DLG2: variants seen among roughly 807,000 people sequenced by gnomAD.
The protein encoded by DLG2 is disks large homolog 2.
DLG2 carries 45 observed loss-of-function variants against 132.5 expected under a neutral mutation model. The ratio of observed to expected loss-of-function variants is 0.34; its 90% CI spans 0.27 to 0.44. DLG2 has a LOEUF of 0.44. Ranked by LOEUF, DLG2 falls within the 20% of genes least tolerant of loss-of-function variation. DLG2 has a pLI of 1.00. For synonymous variants in DLG2, 424 were observed against 419.6 expected (o/e 1.01, Z -0.13); for missense variants, 1,045 against 1,196.9 (o/e 0.87, Z 1.87).
At chr11:84,637,908 T>C (rs2099643546) in intron 6 of DLG2, among the ~76,000 whole-genome samples, 1 of 152,242 alleles carries the variant, frequency 6.6e-6, no homozygotes. Flanking sequence ...TTAAAAAAAG[T>C]TAAACATTTA....
chr11:85,499,639 C>T lies in DLG2; in HGVS notation c.40+99018G>A, dbSNP rs188674617. 9.2e-5 allele frequency among the ~76,000 whole-genome samples: 14 copies of T among 151,726 alleles called. No homozygotes were observed. In the East Asian group the frequency reaches 2.7e-3, roughly 29 times the overall value. On this transcript the variant is annotated intron_variant, in intron 3 of 27. Coordinates refer to ENST00000376104, the MANE Select transcript of DLG2 (RefSeq NM_001142699.3). ...ATACCAAAGCCTGGCAGAGACACAA[C>T]AAAAAAAAGATAATTTTAGACCAAT...
chr11:85,234,205 A>C (rs1177367175), intron 4 of DLG2, among the ~76,000 whole-genome samples: 1 of 151,924 alleles, frequency 6.6e-6, no homozygotes, highest in African/African-American at 2.4e-5. Context: ...AACAGAGTCT[A>C]ATATAAGGAC....
intron 15 of DLG2, among the ~76,000 whole-genome samples, chr11:83,877,914 A>T (rs1007487953): frequency 5.3e-5 from 8 of 152,156 alleles, no homozygotes; most frequent in Non-Finnish European, 1.2e-4. Context: ...TTCCCTTCGG[A>T]CCAAGTAGGT....
chr11:83,850,162 T>TGTGTGTGTGTGTGTG (rs59045992), intron 16 of DLG2, among the ~76,000 whole-genome samples: 2,540 of 115,354 alleles, frequency 0.022, 57 homozygotes, highest in Middle Eastern at 0.054. Context: ...GTGTGTGTGT[T>TGTGTGTGTGTGTGTG]TTTTTACTTG....
At chr11:84,803,334 G>A (rs7102234) in intron 6 of DLG2, among the ~76,000 whole-genome samples, 2,145 of 152,248 alleles carry the variant, frequency 0.014, 49 homozygotes, top group African/African-American at 0.049. Flanking sequence ...GAGCTATTCT[G>A]TGTCTTCTTT....
At chr11:83,953,625 A>G (rs1046136179) in intron 14 of DLG2, among the ~76,000 whole-genome samples, 2 of 152,216 alleles carry the variant, frequency 1.3e-5, no homozygotes, top group African/African-American at 4.8e-5. Flanking sequence ...AGTGTCATGG[A>G]CAATTGCTAA....
intron 21 of DLG2, among the ~76,000 whole-genome samples, chr11:83,503,188 T>C (rs971159815): frequency 1.3e-5 from 2 of 151,406 alleles, no homozygotes; most frequent in South Asian, 4.2e-4. Context: ...AGAGGGGACA[T>C]GTGAGCTAAA....
chr11:84,596,061 C>G (rs1050566073), intron 6 of DLG2, among the ~76,000 whole-genome samples: 1 of 152,152 alleles, frequency 6.6e-6, no homozygotes, highest in Non-Finnish European at 1.5e-5. Flanking sequence ...ATTTTTTCCA[C>G]ATTAACACCT....
At chr11:84,105,688 T>A (rs1167249377) in intron 9 of DLG2, among the ~76,000 whole-genome samples, 2 of 152,066 alleles carry the variant, frequency 1.3e-5, no homozygotes, top group Non-Finnish European at 2.9e-5. Flanking sequence ...AAACCTTAGA[T>A]AAAAAACAGC....
chr11:83,743,449 T>TTTTTTTTTTTTTTTTTTA (rs1555372680), intron 18 of DLG2, among the ~76,000 whole-genome samples: 5,160 of 122,944 alleles, frequency 0.042, 534 homozygotes, highest in African/African-American at 0.088. Context: ...TTTTTTTTTT[T>TTTTTTTTTTTTTTTTTTA]ATGACAGGGT....
At chr11:84,061,047 C>T (rs1043879414) in intron 10 of DLG2, among the ~76,000 whole-genome samples, 1 of 152,150 alleles carries the variant, frequency 6.6e-6, no homozygotes, top group Admixed American at 6.5e-5. Flanking sequence ...ACTTGCATTC[C>T]CCACTTCCTC....
At chr11:85,111,529 T>C in intron 6 of DLG2, 132 bp downstream of exon 6, 1 of 640,946 alleles carries the variant, frequency 1.6e-6, no homozygotes, top group East Asian at 3.0e-5. Flanking sequence ...TGAAAGATTA[T>C]TCTTTCTCCT....
rs1483384 is a variant in DLG2, at chr11:84,035,397, G to C, written c.919+23918C>G. On this transcript the variant is annotated intron_variant, in intron 11 of 27. Transcript: ENST00000376104. ...TATTTATAATACAATGTTTGGTTGT[G>C]ATACATACTATGAGGAAAAATAAAG... 3.9e-5 allele frequency among the ~76,000 whole-genome samples: 6 copies of C among 152,040 alleles called. 1 individual carries two copies. The South Asian group carries it at 1.2e-3, about 32-fold the overall frequency.
intron 3 of DLG2, among the ~76,000 whole-genome samples, chr11:85,319,535 A>T (rs2080910428): frequency 6.6e-6 from 1 of 151,848 alleles, no homozygotes; most frequent in Non-Finnish European, 1.5e-5. Flanking sequence ...CTATATCTTG[A>T]AGAAAAGCCT....
chr11:84,043,823 T>G (rs960162445), intron 11 of DLG2, among the ~76,000 whole-genome samples: 1 of 151,782 alleles, frequency 6.6e-6, no homozygotes, highest in South Asian at 2.1e-4. Context: ...AATGGTATTA[T>G]TTAGGCCCTT....
chr11:83,586,323 G>A (rs1232158735), intron 19 of DLG2, among the ~76,000 whole-genome samples: 1 of 152,242 alleles, frequency 6.6e-6, no homozygotes, highest in Non-Finnish European at 1.5e-5. Flanking sequence ...AAACACAACA[G>A]TAAATATACT....
intron 7 of DLG2, among the ~76,000 whole-genome samples, chr11:84,374,437 C>T (rs1458120274): frequency 6.6e-6 from 1 of 152,198 alleles, no homozygotes; most frequent in Non-Finnish European, 1.5e-5. Context: ...TGCAGTCCAA[C>T]ATGAATTTGT....
intron 6 of DLG2, among the ~76,000 whole-genome samples, chr11:84,779,769 A>G (rs1371622428): frequency 1.3e-5 from 2 of 152,152 alleles, no homozygotes; most frequent in African/African-American, 4.8e-5. Context: ...ATAAAATAGA[A>G]AACTTAGAGG....
chr11:85,025,849 TGATA>T (rs1357652044), intron 6 of DLG2, among the ~76,000 whole-genome samples: 2 of 124,216 alleles, frequency 1.6e-5, no homozygotes, highest in Non-Finnish European at 1.7e-5. Flanking sequence ...ACTCAGTATA[TGATA>T]AACATAACAT....
Sources: allele counts gnomAD v4.1 joint callset (sites outside exome capture counted in the v4.1 genomes callset), GRCh38; gene constraint gnomAD v4.1.1; transcripts MANE v1.5; gene names NCBI Gene and HGNC (gene_info 2026-07-23, HGNC 2026-07-21).